RAI1: variants seen among roughly 807,000 people sequenced by gnomAD.
RAI1 encodes retinoic acid-induced protein 1.
A neutral mutation model predicts 123.8 loss-of-function variants in RAI1; 9 were observed. That is an observed-to-expected ratio of 0.07 (90% confidence interval 0.04 to 0.13). The LOEUF (loss-of-function observed/expected upper bound fraction) is 0.13, where lower values mean the gene tolerates loss of function less well. RAI1 is among the 10% of genes least tolerant of loss of function. The pLI is 1.00. For synonymous variants in RAI1, 1,231 were observed against 1,127.3 expected (o/e 1.09, Z -1.84); for missense variants, 2,256 against 2,545.8 (o/e 0.89, Z 2.45).
intron 2 of RAI1, among the ~76,000 whole-genome samples, chr17:17,755,717 C>A (rs1031267596): frequency 2.0e-5 from 3 of 152,228 alleles, no homozygotes; most frequent in African/African-American, 7.2e-5. Flanking sequence ...GTCATGTCAT[C>A]CTGACCCTCA....
chr17:17,700,163 C>T (rs1488442785), intron 1 of RAI1, among the ~76,000 whole-genome samples: 1 of 152,270 alleles, frequency 6.6e-6, no homozygotes, highest in East Asian at 1.9e-4. Flanking sequence ...CCTCAGTTTC[C>T]TCAGCTGCTT....
intron 2 of RAI1, among the ~76,000 whole-genome samples, chr17:17,763,357 G>C (rs1356673413): frequency 6.6e-6 from 1 of 152,222 alleles, no homozygotes; most frequent in Non-Finnish European, 1.5e-5. Context: ...CAAGGAGCTG[G>C]AGGTCAGGAG....
chr17:17,753,213 G>T (rs969139651), intron 2 of RAI1, among the ~76,000 whole-genome samples: 1 of 152,198 alleles, frequency 6.6e-6, no homozygotes, highest in Non-Finnish European at 1.5e-5. Flanking sequence ...CAGGAGGAAG[G>T]CAGGGTCACA....
intron 1 of RAI1, among the ~76,000 whole-genome samples, chr17:17,712,979 G>A (rs997072108): frequency 3.3e-5 from 5 of 152,032 alleles, no homozygotes; most frequent in Non-Finnish European, 7.4e-5. Flanking sequence ...AATTGCCAGG[G>A]GCTGGGGGTG....
In RAI1 at chr17:17,795,789, A is replaced by G. The variant is rs2032216806; in HGVS notation, c.2841A>G (p.Ser947=). The G allele has an allele frequency of 6.2e-7, 1 of 1,613,516 alleles. No individual in the cohort carries two copies. The highest frequency in any genetic ancestry group is 8.5e-7 in the Non-Finnish European group (1 of 1,180,014). The change falls in exon 3 of 6, where the codon TCA becomes TCG. Residue 947 remains serine (S), a synonymous_variant. Coordinates refer to ENST00000353383, the MANE Select transcript of RAI1 (RefSeq NM_030665.4). This position sits in a 1 kb window ranked among gnomAD's most constrained non-coding sequence, Gnocchi z 5.9. The part of the protein sequence containing the change: ...KVQSWFESSL[S]HMKPGEEGPD... ...AGAGCTGGTTTGAGTCCTCTCTGTC[A>G]CACATGAAGCCAGGTGAAGAGGGGC...
rs2032390531 is a variant in RAI1, at chr17:17,799,706, C to T, written c.5565+1193C>T. On this transcript the variant is annotated intron_variant, in intron 3 of 5. Transcript: ENST00000353383. The surrounding 1 kb of genome is among the most constrained non-coding windows in gnomAD (Gnocchi z 4.5). Reference sequence around the variant, plus strand: ...GGGGTCTCCAGAGGCCCTGGACAAACACTGCCTGCATCTGAGTGATTCAGT... The same window carrying T: ...GGGGTCTCCAGAGGCCCTGGACAAATACTGCCTGCATCTGAGTGATTCAGT... 6.6e-6 allele frequency among the ~76,000 whole-genome samples: 1 copy of T among 152,224 alleles called. No individual in the cohort carries two copies. Among genetic ancestry groups the T allele is most frequent in the Non-Finnish European group, 1.5e-5 (1 of 68,030 alleles).
intron 4 of RAI1, among the ~76,000 whole-genome samples, chr17:17,805,185 T>G (rs2032571562): frequency 6.6e-6 from 1 of 152,144 alleles, no homozygotes; most frequent in Non-Finnish European, 1.5e-5. Context: ...TAATGTGTGG[T>G]CTTGAGCAAG....
chr17:17,779,242 C>CCGAAGGT (rs2031470276), intron 2 of RAI1: 1 of 319,832 alleles, frequency 3.1e-6, no homozygotes, highest in Non-Finnish European at 6.1e-6. Context: ...CTGGCTCTCC[C>CCGAAGGT]CGAAGGTCGC....
At chr17:17,682,965 T>C (rs896172967) in intron 1 of RAI1, among the ~76,000 whole-genome samples, 5 of 151,992 alleles carry the variant, frequency 3.3e-5, no homozygotes, top group South Asian at 4.1e-4. Context: ...CGGGCGCTGC[T>C]CCGCGCGCCG....
At chr17:17,732,571 TC>T (rs1725023033) in intron 2 of RAI1, among the ~76,000 whole-genome samples, 1 of 152,124 alleles carries the variant, frequency 6.6e-6, no homozygotes, top group Admixed American at 6.5e-5. Context: ...TCTTCCTCCC[TC>T]ATTAATCCTA....
chr17:17,794,387 A>G lies in RAI1; in HGVS notation c.1439A>G (p.His480Arg). 6.2e-7 allele frequency: 1 copy of G among 1,613,206 alleles called. No individual in the cohort carries two copies. ...ACCCCAGAGCAGCATAAAAGCCAGC[A>G]CTGCAGCCCCGAAGGGAGCGGCTAC... is the stretch of plus-strand genomic sequence containing the variant. ...SRTPEQHKSQ[H>R]CSPEGSGYSA... The change falls in exon 3 of 6, where the codon CAC becomes CGC. Residue 480 changes from histidine to arginine, a missense_variant. Around this residue, in one of 7 missense-constraint regions of RAI1, gnomAD observed 357 missense variants for 480.2 expected, o/e 0.74. Transcript: ENST00000353383.
chr17:17,705,183 C>T (rs573866938), intron 1 of RAI1, among the ~76,000 whole-genome samples: 18 of 152,194 alleles, frequency 1.2e-4, no homozygotes, highest in African/African-American at 3.4e-4. Context: ...GCCTGTCCCC[C>T]GGCCAGGGGT....
intron 2 of RAI1, among the ~76,000 whole-genome samples, chr17:17,727,583 T>G (rs1916136780): frequency 6.6e-6 from 1 of 152,118 alleles, no homozygotes; most frequent in Non-Finnish European, 1.5e-5. Context: ...CCCACCACAG[T>G]TCCCCTTCCT....
chr17:17,726,005 C>T (rs191179249), intron 2 of RAI1, among the ~76,000 whole-genome samples: 15 of 152,266 alleles, frequency 9.9e-5, no homozygotes, highest in Admixed American at 5.9e-4. Context: ...CAGTGTGACA[C>T]CGGCTGACTG....
At chr17:17,717,210 C>T (rs1217130214) in intron 1 of RAI1, among the ~76,000 whole-genome samples, 1 of 152,122 alleles carries the variant, frequency 6.6e-6, no homozygotes, top group Non-Finnish European at 1.5e-5. Flanking sequence ...ACAGGTTAGG[C>T]CTCAGCCACA....
intron 2 of RAI1, among the ~76,000 whole-genome samples, chr17:17,726,556 A>G (rs1015743463): frequency 1.3e-5 from 2 of 152,242 alleles, no homozygotes; most frequent in African/African-American, 2.4e-5. Flanking sequence ...CCCAGGGCCT[A>G]GCACACAGCA....
At chr17:17,790,561 C>T (rs1312065607) in intron 2 of RAI1, among the ~76,000 whole-genome samples, 1 of 151,980 alleles carries the variant, frequency 6.6e-6, no homozygotes, top group Non-Finnish European at 1.5e-5. Context: ...ATAGCACCCC[C>T]TCACTGTCTC....
chr17:17,725,569 C>T (rs1000769736), intron 2 of RAI1, among the ~76,000 whole-genome samples: 1 of 152,120 alleles, frequency 6.6e-6, no homozygotes, highest in Non-Finnish European at 1.5e-5. Flanking sequence ...CTTCCCGGCA[C>T]GCAGAAGCCC....
intron 1 of RAI1, among the ~76,000 whole-genome samples, chr17:17,683,388 C>T (rs1013843853): frequency 2.0e-5 from 3 of 152,294 alleles, no homozygotes; most frequent in South Asian, 2.1e-4. Context: ...GGGTCAGGCC[C>T]ACCCCAGGTG....
Sources: allele counts gnomAD v4.1 joint callset (sites outside exome capture counted in the v4.1 genomes callset), GRCh38; gene constraint gnomAD v4.1.1; regional missense constraint gnomAD v4.1.1; non-coding constraint Gnocchi (gnomAD v3.1); transcripts MANE v1.5; gene names NCBI Gene and HGNC (gene_info 2026-07-23, HGNC 2026-07-21).